Variants in CCDC40 observed in about 807,000 individuals in gnomAD.
The protein encoded by CCDC40 is coiled-coil domain-containing protein 40.
CCDC40 carries 104 observed loss-of-function variants against 124.5 expected under a neutral mutation model. The observed-to-expected ratio is 0.84, with a 90% CI of 0.71 to 0.98. The LOEUF (loss-of-function observed/expected upper bound fraction) is 0.98. CCDC40 is among the 50% of genes least tolerant of loss of function. The pLI is 0.00. For missense variants in CCDC40, 1,463 were observed against 1,503.9 expected, an observed-to-expected ratio of 0.97 and a Z score of 0.45; for synonymous variants, 580 against 602.9, an observed-to-expected ratio of 0.96 and a Z score of 0.56.
chr17:80,069,808 G>GAA (rs869251411), intron 10 of CCDC40, among the ~76,000 whole-genome samples: 1 of 147,464 alleles, frequency 6.8e-6, no homozygotes, highest in African/African-American at 2.7e-5. Flanking sequence ...GAGAGAGAGA[G>GAA]AAAAAAAGAA....
At chr17:80,064,288 T>A (rs1449917266) in intron 9 of CCDC40, among the ~76,000 whole-genome samples, 1 of 152,174 alleles carries the variant, frequency 6.6e-6, no homozygotes, top group African/African-American at 2.4e-5. Context: ...CTACCAAGCT[T>A]GCCTGGGTGT....
chr17:80,088,245 GTTT>G (rs1279150248), intron 16 of CCDC40, 143 bp downstream of exon 16: 1 of 719,174 alleles, frequency 1.4e-6, no homozygotes, highest in Non-Finnish European at 2.6e-6. Flanking sequence ...TTGTTGTTTT[GTTT>G]TTTGTTTTGT....
At chr17:80,036,776 C>G in intron 1 of CCDC40, 85 bp downstream of exon 1, 1 of 1,294,948 alleles carries the variant, frequency 7.7e-7, no homozygotes, top group Non-Finnish European at 1.0e-6. Flanking sequence ...CGCGTCGGCT[C>G]CTGCCTCGCC....
chr17:80,098,454 T>A (rs1381669146), intron 19 of CCDC40, among the ~76,000 whole-genome samples: 1 of 152,250 alleles, frequency 6.6e-6, no homozygotes, highest in Non-Finnish European at 1.5e-5. Flanking sequence ...GGGCGGCCCC[T>A]GTGGGGCTGG....
chr17:80,093,176 C>A (rs1208284840), intron 17 of CCDC40, among the ~76,000 whole-genome samples: 1 of 152,130 alleles, frequency 6.6e-6, no homozygotes, highest in Non-Finnish European at 1.5e-5. Context: ...TTACGAAATT[C>A]CTCCGACTTC....
chr17:80,095,860 C>T (rs1461329153), intron 18 of CCDC40, among the ~76,000 whole-genome samples: 6 of 152,244 alleles, frequency 3.9e-5, no homozygotes, highest in African/African-American at 1.2e-4. Context: ...GGGGAAGAGG[C>T]CAGCTCATGC....
At chr17:80,042,223 A>G (rs1294511041) in intron 3 of CCDC40, among the ~76,000 whole-genome samples, 2 of 152,052 alleles carry the variant, frequency 1.3e-5, no homozygotes, top group African/African-American at 4.8e-5. Flanking sequence ...GGTTCAAGCA[A>G]TTCTCCTGCC....
Position 80,048,650 on chromosome 17 carries a change from C to G in CCDC40, c.744C>G (p.Ile248Met). 1 of 1,614,098 alleles carries G rather than the reference C, an allele frequency of 6.2e-7. No individual in the cohort carries two copies. Among genetic ancestry groups the G allele is most frequent in the Middle Eastern group, 1.6e-4 (1 of 6,062 alleles). ...ACCTGCCAGTGTTCCAGGACCAGAT[C>G]CAGCAGCCCAGCACCGAGGAGGGGG... is the stretch of plus-strand genomic sequence containing the variant. ...EGDLPVFQDQ[I>M]QQPSTEEGAM... is the part of the protein sequence containing the mutation. Residue 248 changes from isoleucine to methionine, a missense_variant, in exon 5 of 20, where the codon ATC becomes ATG. Coordinates refer to ENST00000397545, the MANE Select transcript of CCDC40 (RefSeq NM_017950.4).
intron 1 of CCDC40, among the ~76,000 whole-genome samples, chr17:80,037,683 TA>T (rs11312279): frequency 0.12 from 5,359 of 44,366 alleles, 424 homozygotes; most frequent in African/African-American, 0.3. Context: ...TTTAATTTTT[TA>T]AAAAAGATAT....
chr17:80,063,373 T>G (rs1308655613), intron 9 of CCDC40, among the ~76,000 whole-genome samples: 1 of 152,180 alleles, frequency 6.6e-6, no homozygotes, highest in African/African-American at 2.4e-5. Context: ...CTTGCCTTTG[T>G]GAAAAACTGG....
intron 17 of CCDC40, among the ~76,000 whole-genome samples, chr17:80,094,862 C>T (rs1200928141): frequency 6.6e-6 from 1 of 152,026 alleles, no homozygotes; most frequent in Admixed American, 6.5e-5. Flanking sequence ...AGGTCCTCCA[C>T]CCAAGCCAAG....
At chr17:80,074,270 G>A (rs1357198080) in intron 10 of CCDC40, among the ~76,000 whole-genome samples, 2 of 152,166 alleles carry the variant, frequency 1.3e-5, no homozygotes, top group Non-Finnish European at 2.9e-5. Flanking sequence ...CAGCACTTTG[G>A]AAGGCCCAGG....
intron 3 of CCDC40, among the ~76,000 whole-genome samples, chr17:80,045,934 AAGG>A (rs2037410584): frequency 2.0e-5 from 3 of 151,966 alleles, no homozygotes; most frequent in South Asian, 4.2e-4. Context: ...CCTTACAGCC[AAGG>A]AGAATTATCG....
Position 80,086,316 on chromosome 17 carries a change from T to TTTGC in CCDC40, c.2449+101_2449+104dup. Reference sequence around the variant, plus strand: ...GCACTCAGTGGGGCACGTCGCTGGATTTGCACGCAGCCTTAAAAGCAAATA... The same window carrying TTTGC: ...GCACTCAGTGGGGCACGTCGCTGGATTTGCTTGCACGCAGCCTTAAAAGCAAATA... On this transcript the variant is annotated intron_variant, in intron 14 of 19. Transcript: ENST00000397545. The surrounding 1 kb of genome is among the most constrained non-coding windows in gnomAD (Gnocchi z 5.5). The TTTGC allele has an allele frequency of 1.1e-6, 1 of 943,568 alleles. No individual in the cohort carries two copies. The highest frequency in any genetic ancestry group is 1.7e-6 in the Non-Finnish European group (1 of 598,824). 58.4% of individuals were successfully genotyped at this position (943,568 alleles called of 1,614,324 possible).
In CCDC40 at chr17:80,095,258, C is replaced by T. The variant is rs554457466; in HGVS notation, c.2833-5C>T. ...CAGCCCCAGCCCCTCTGTCCTGTCT[C>T]CCAGGTCAGGCTCGGGCAGCTGCTG... On this transcript the variant is annotated splice_region_variant and splice_polypyrimidine_tract_variant and intron_variant, in intron 17 of 19. Coordinates refer to ENST00000397545, the MANE Select transcript of CCDC40 (RefSeq NM_017950.4). The T allele has an allele frequency of 1.2e-6, 2 of 1,613,646 alleles. No individual in the cohort carries two copies. The highest frequency in any genetic ancestry group is 2.7e-5 in the African/African-American group (2 of 75,068).
In CCDC40 at chr17:80,081,695, A is replaced by C; in HGVS notation, c.1712A>C (p.Gln571Pro). 1 of 1,614,186 alleles carries C rather than the reference A, an allele frequency of 6.2e-7. No individual in the cohort carries two copies. The highest frequency in any genetic ancestry group is 1.7e-5 in the Admixed American group (1 of 60,030). Residue 571 changes from glutamine (Q) to proline (P), a missense_variant, in exon 11 of 20, where the codon CAG (glutamine) becomes CCG (proline). Transcript: ENST00000397545. ...EATLLQKLTT[Q>P]CLTKQVALQS... ...ACACTGCTGCAGAAGCTCACCACCC[A>C]GTGCCTGACCAAGCAGGTGGCCCTG...
intron 16 of CCDC40, among the ~76,000 whole-genome samples, chr17:80,088,758 G>T (rs2038642117): frequency 1.3e-5 from 2 of 152,160 alleles, no homozygotes; most frequent in Non-Finnish European, 2.9e-5. Context: ...AGTGAGCTAG[G>T]ATTGCACCAC....
chr17:80,089,216 C>T (rs548870685), intron 16 of CCDC40, among the ~76,000 whole-genome samples: 2 of 152,328 alleles, frequency 1.3e-5, no homozygotes, highest in South Asian at 4.1e-4. Context: ...GTGTCACACA[C>T]GTGGGCCCAT....
intron 12 of CCDC40, among the ~76,000 whole-genome samples, chr17:80,083,020 C>T (rs1598535912): frequency 1.3e-5 from 2 of 152,020 alleles, no homozygotes; most frequent in Non-Finnish European, 2.9e-5. Context: ...TGTGGATGGG[C>T]GGGACCACCC....
Sources: allele counts gnomAD v4.1 joint callset (sites outside exome capture counted in the v4.1 genomes callset), GRCh38; gene constraint gnomAD v4.1.1; non-coding constraint Gnocchi (gnomAD v3.1); transcripts MANE v1.5; gene names NCBI Gene and HGNC (gene_info 2026-07-23, HGNC 2026-07-21).